Variants in CTNNBL1 observed in about 807,000 individuals in gnomAD.
The protein encoded by CTNNBL1 is catenin beta like 1.
CTNNBL1 carries 31 observed loss-of-function variants against 72.7 expected under a neutral mutation model. The observed-to-expected ratio is 0.43, with a 90% CI of 0.32 to 0.58. The LOEUF is 0.58. CTNNBL1 is among the 20% of genes least tolerant of loss of function. The pLI, the probability that CTNNBL1 is intolerant of heterozygous loss-of-function variation, is 0.08. For missense variants in CTNNBL1, 534 were observed against 725.1 expected (o/e 0.74, Z 3.03); for synonymous variants, 240 against 267.3 (o/e 0.90, Z 1.00).
chr20:37,783,037 C>T (rs905768351), intron 10 of CTNNBL1, among the ~76,000 whole-genome samples: 1 of 152,096 alleles, frequency 6.6e-6, no homozygotes, highest in Non-Finnish European at 1.5e-5. Flanking sequence ...TTTATCACTC[C>T]CAAAGGTTCC....
chr20:37,779,245 T>C lies in CTNNBL1; in HGVS notation c.941T>C (p.Phe314Ser), dbSNP rs1359762307. Residue 314 changes from phenylalanine to serine, a missense_variant, in exon 10 of 16, where the codon TTT becomes TCT. Coordinates refer to ENST00000361383, the MANE Select transcript of CTNNBL1 (RefSeq NM_030877.5). Reference protein sequence around the residue: ...AEEQEMMENLFDSLCSCLMLS... With the variant: ...AEEQEMMENLSDSLCSCLMLS... The stretch of plus-strand genomic sequence containing the variant: ...GAGCAGGAGATGATGGAGAATCTGT[T>C]TGATTCCCTCTGCTCCTGTCTAATG... 6.2e-7 allele frequency: 1 copy of C among 1,613,804 alleles called. No homozygotes were observed. The highest frequency in any genetic ancestry group is 2.2e-5 in the East Asian group (1 of 44,888).
At chr20:37,708,762 C>T (rs1211592888) in intron 1 of CTNNBL1, among the ~76,000 whole-genome samples, 1 of 152,148 alleles carries the variant, frequency 6.6e-6, no homozygotes, top group Non-Finnish European at 1.5e-5. Context: ...TTATCAGCTG[C>T]TTGTAAGCAG....
At chr20:37,752,587 G>T (rs2073329996) in intron 4 of CTNNBL1, among the ~76,000 whole-genome samples, 1 of 150,170 alleles carries the variant, frequency 6.7e-6, no homozygotes. Context: ...TGTTCCTTGT[G>T]GAGTCATCTC....
At chr20:37,707,089 C>T (rs1257131501) in intron 1 of CTNNBL1, among the ~76,000 whole-genome samples, 1 of 152,136 alleles carries the variant, frequency 6.6e-6, no homozygotes, top group African/African-American at 2.4e-5. Context: ...ATGCTGTCAT[C>T]CAGGCTTTGT....
intron 13 of CTNNBL1, 97 bp downstream of exon 13, chr20:37,842,516 C>T (rs1337193952): frequency 2.5e-6 from 2 of 805,806 alleles, no homozygotes; most frequent in African/African-American, 3.4e-5. Context: ...GTAAGGGCAG[C>T]AGTGCCATCT....
chr20:37,841,270 T>G (rs1198350476), intron 12 of CTNNBL1, among the ~76,000 whole-genome samples: 1 of 152,188 alleles, frequency 6.6e-6, no homozygotes, highest in Non-Finnish European at 1.5e-5. Context: ...ACCAGGAGTA[T>G]AGCATGATGA....
chr20:37,790,049 T>A (rs902375363), intron 10 of CTNNBL1, among the ~76,000 whole-genome samples: 9 of 152,188 alleles, frequency 5.9e-5, no homozygotes, highest in Non-Finnish European at 1.2e-4. Context: ...CAGTTTTTGT[T>A]GTTGTTGTTG....
At chr20:37,867,426 A>T (rs2072545217) in intron 15 of CTNNBL1, among the ~76,000 whole-genome samples, 1 of 151,676 alleles carries the variant, frequency 6.6e-6, no homozygotes, top group African/African-American at 2.4e-5. Context: ...TCTCCCTCTC[A>T]ACATAAACAG....
intron 11 of CTNNBL1, among the ~76,000 whole-genome samples, chr20:37,815,124 A>C (rs1447845296): frequency 2.8e-5 from 4 of 144,958 alleles, no homozygotes; most frequent in Non-Finnish European, 4.5e-5. Context: ...TATAAAGGGA[A>C]TCATGATGGA....
chr20:37,749,368 C>T (rs1449668972), intron 4 of CTNNBL1, among the ~76,000 whole-genome samples: 1 of 152,176 alleles, frequency 6.6e-6, no homozygotes, highest in Non-Finnish European at 1.5e-5. Context: ...CTGGCTCCTG[C>T]CGGGGAGAAG....
intron 10 of CTNNBL1, 146 bp downstream of exon 10, chr20:37,779,481 G>T (rs894442425): frequency 2.4e-6 from 2 of 843,400 alleles, no homozygotes; most frequent in African/African-American, 1.7e-5. Flanking sequence ...GGCATGGGGG[G>T]ATGTGTTTGT....
At position 37,709,414 on chromosome 20, in the gene CTNNBL1, A is replaced by G. The variant is rs115897132; in HGVS notation, c.30+15262A>G. Among the ~76,000 whole-genome samples, 1,018 of 152,300 alleles carry G rather than the reference A, an allele frequency of 6.7e-3. 13 individuals are homozygous for G. Among genetic ancestry groups the G allele is most frequent in the African/African-American group, 0.023 (973 of 41,550 alleles). On this transcript the variant is annotated intron_variant, in intron 1 of 15. Transcript: ENST00000361383. ...TAAATTTTCTTTTGGGATCCTTGAT[A>G]GAGTTAAACATTAGCAGCACACCAG...
chr20:37,792,727 AAG>A (rs1491187620), intron 10 of CTNNBL1, among the ~76,000 whole-genome samples: 2 of 152,172 alleles, frequency 1.3e-5, no homozygotes, highest in African/African-American at 2.4e-5. Flanking sequence ...GGGATACTCA[AAG>A]GATACCCCTA....
At chr20:37,826,861 G>A (rs557441835) in intron 11 of CTNNBL1, among the ~76,000 whole-genome samples, 1 of 152,322 alleles carries the variant, frequency 6.6e-6, no homozygotes, top group East Asian at 1.9e-4. Context: ...AGTGTCGTAT[G>A]TATAATACGT....
intron 1 of CTNNBL1, among the ~76,000 whole-genome samples, chr20:37,717,116 C>A (rs117306666): frequency 0.026 from 3,862 of 148,132 alleles, 70 homozygotes; most frequent in Non-Finnish European, 0.042. Flanking sequence ...TCTTTTTTTC[C>A]TGTCTCTATT....
At chr20:37,718,308 G>T (rs373215258) in intron 1 of CTNNBL1, among the ~76,000 whole-genome samples, 1 of 118,380 alleles carries the variant, frequency 8.4e-6, no homozygotes, top group Non-Finnish European at 1.7e-5. Context: ...CCTCCCTCCC[G>T]GACGGGGCGG....
intron 10 of CTNNBL1, among the ~76,000 whole-genome samples, chr20:37,796,684 A>G (rs1472778565): frequency 6.6e-6 from 1 of 152,158 alleles, no homozygotes; most frequent in Non-Finnish European, 1.5e-5. Flanking sequence ...TTGGAATAAG[A>G]AGCCCAAAAT....
chr20:37,704,631 A>G (rs911147171), intron 1 of CTNNBL1, among the ~76,000 whole-genome samples: 4 of 152,016 alleles, frequency 2.6e-5, no homozygotes, highest in Admixed American at 6.6e-5. Flanking sequence ...GGATTGCTTG[A>G]GACCAGGAGA....
intron 3 of CTNNBL1, among the ~76,000 whole-genome samples, chr20:37,740,383 C>T (rs915050766): frequency 2.8e-4 from 43 of 152,044 alleles, no homozygotes; most frequent in Admixed American, 2.7e-3. Flanking sequence ...ATTTATTTTC[C>T]CATATATCCA....
Sources: allele counts gnomAD v4.1 joint callset (sites outside exome capture counted in the v4.1 genomes callset), GRCh38; gene constraint gnomAD v4.1.1; transcripts MANE v1.5; gene names NCBI Gene and HGNC (gene_info 2026-07-23, HGNC 2026-07-21).